The following ELMO1 variants were observed in gnomAD, a reference collection of about 807,000 sequenced individuals.
ELMO1 encodes engulfment and cell motility protein 1.
ELMO1 carries 26 observed loss-of-function variants against 98.9 expected under a neutral mutation model. The observed-to-expected ratio is 0.26, with a 90% confidence interval of 0.19 to 0.36. The LOEUF (loss-of-function observed/expected upper bound fraction) is 0.36. Ranked by LOEUF, ELMO1 falls within the 10% of genes least tolerant of loss-of-function variation. ELMO1 has a pLI of 1.00. For missense variants in ELMO1, 627 were observed against 935.2 expected (o/e 0.67, Z 4.30); for synonymous variants, 346 against 346.0 (o/e 1.00, Z 0.00).
chr7:37,361,982 G>C (rs987609024), intron 1 of ELMO1, among the ~76,000 whole-genome samples: 1 of 152,078 alleles, frequency 6.6e-6, no homozygotes, highest in African/African-American at 2.4e-5. Context: ...AGCCTATCAG[G>C]GGTTACCAGG....
Position 37,432,803 on chromosome 7 carries a change from G to A in ELMO1, c.-74+15872C>T, listed in dbSNP as rs1019633567. 2.6e-5 allele frequency among the ~76,000 whole-genome samples: 4 copies of A among 152,166 alleles called. No homozygotes were observed. The South Asian group carries it at 8.3e-4, about 32-fold the overall frequency. ...AACACTGGCTGAACCGTGGATGAAGGGACAAAAAGCCAAGAAACGTTTTCT... is the reference window on the plus strand; with the variant it reads ...AACACTGGCTGAACCGTGGATGAAGAGACAAAAAGCCAAGAAACGTTTTCT... On this transcript the variant is annotated intron_variant, in intron 1 of 21. Transcript: ENST00000310758.
chr7:36,949,126 C>T (rs933286574), intron 16 of ELMO1, among the ~76,000 whole-genome samples: 1 of 152,108 alleles, frequency 6.6e-6, no homozygotes, highest in African/African-American at 2.4e-5. Context: ...AAACTGCTGG[C>T]ATTACAAGCG....
At chr7:37,021,120 C>T (rs933042241) in intron 15 of ELMO1, among the ~76,000 whole-genome samples, 1 of 151,994 alleles carries the variant, frequency 6.6e-6, no homozygotes, top group African/African-American at 2.4e-5. Flanking sequence ...GGTGGTACTG[C>T]GTGGGGAGAT....
Position 37,118,605 on chromosome 7 carries a change from A to G in ELMO1, c.1191+14525T>C, listed in dbSNP as rs80260961. Reference sequence around the variant, plus strand: ...TCAAGTACTACTTTAAGGAGTGGGAACGGGAACAATCAACTCAAATGGTTG... The same window carrying G: ...TCAAGTACTACTTTAAGGAGTGGGAGCGGGAACAATCAACTCAAATGGTTG... On this transcript the variant is annotated intron_variant, in intron 14 of 21. Transcript: ENST00000310758. Among the ~76,000 whole-genome samples the G allele has an allele frequency of 9.7e-3, 1,475 of 152,342 alleles. 13 individuals carry two copies. The highest frequency in any genetic ancestry group is 0.015 in the Non-Finnish European group (1,033 of 68,020).
At chr7:37,289,246 C>CT (rs1211160428) in intron 4 of ELMO1, among the ~76,000 whole-genome samples, 7 of 152,334 alleles carry the variant, frequency 4.6e-5, no homozygotes, top group African/African-American at 1.7e-4. Flanking sequence ...CCCTTCCCCT[C>CT]TCTCACAATC....
chr7:37,426,142 C>CTTTTTTTTT lies in ELMO1; in HGVS notation c.-74+22524_-74+22532dup, dbSNP rs36086006. On this transcript the variant is annotated intron_variant, in intron 1 of 21. Coordinates refer to ENST00000310758, the MANE Select transcript of ELMO1 (RefSeq NM_014800.11). ...TCTCTCTCTCCCTCTTTTTTTCTTT[C>CTTTTTTTTT]TTTTTTTTTTTTTTTTTTTTTTTTT... Among the ~76,000 whole-genome samples, 39 of 84,576 alleles carry CTTTTTTTTT rather than the reference C, an allele frequency of 4.6e-4. 1 individual carries two copies. The highest frequency in any genetic ancestry group is 1.1e-3 in the Admixed American group (7 of 6,406). The allele number at this position is 84,576 out of a possible 152,430, so 55.5% of individuals were successfully genotyped here.
At chr7:37,296,399 C>T (rs561084727) in intron 4 of ELMO1, among the ~76,000 whole-genome samples, 81 of 152,318 alleles carry the variant, frequency 5.3e-4, no homozygotes, top group Non-Finnish European at 9.0e-4. Context: ...GAAGACATCT[C>T]GTTAATGCTT....
chr7:37,404,917 C>G (rs1289460173), intron 1 of ELMO1, among the ~76,000 whole-genome samples: 1 of 152,144 alleles, frequency 6.6e-6, no homozygotes, highest in Non-Finnish European at 1.5e-5. Context: ...TTTGTTCCCC[C>G]CATTTTTAAT....
At chr7:37,373,105 A>G (rs960668093) in intron 1 of ELMO1, among the ~76,000 whole-genome samples, 1 of 152,242 alleles carries the variant, frequency 6.6e-6, no homozygotes. Context: ...CTTGAGAGTC[A>G]GCATTTCATG....
chr7:37,077,047 T>G (rs1191585138), intron 15 of ELMO1, among the ~76,000 whole-genome samples: 1 of 152,118 alleles, frequency 6.6e-6, no homozygotes, highest in East Asian at 1.9e-4. Context: ...TCCAGTTCAG[T>G]ATGGTAGCCA....
At chr7:37,213,828 G>A (rs1490338860) in intron 11 of ELMO1, among the ~76,000 whole-genome samples, 2 of 152,192 alleles carry the variant, frequency 1.3e-5, no homozygotes, top group African/African-American at 4.8e-5. Flanking sequence ...AAAAACCAAT[G>A]ATGCATACCC....
chr7:37,346,083 C>T (rs6970810), intron 1 of ELMO1, among the ~76,000 whole-genome samples: 50,710 of 151,666 alleles, frequency 0.33, 8,515 homozygotes, highest in East Asian at 0.46. Flanking sequence ...TCAGCAAGTG[C>T]GAAGGCCCCA....
At chr7:37,281,982 C>T (rs1002352844) in intron 4 of ELMO1, among the ~76,000 whole-genome samples, 1 of 152,142 alleles carries the variant, frequency 6.6e-6, no homozygotes, top group Admixed American at 6.5e-5. Flanking sequence ...ACAGGCATCT[C>T]GATAGGATGT....
chr7:37,008,697 T>C (rs1793324586), intron 16 of ELMO1, among the ~76,000 whole-genome samples: 1 of 152,196 alleles, frequency 6.6e-6, no homozygotes, highest in Non-Finnish European at 1.5e-5. Context: ...ACTATTATTA[T>C]TTTTAGATTC....
chr7:37,380,706 A>C (rs1187780259), intron 1 of ELMO1, among the ~76,000 whole-genome samples: 1 of 152,228 alleles, frequency 6.6e-6, no homozygotes, highest in Admixed American at 6.5e-5. Context: ...TAATGTCACA[A>C]CATCGTTGTC....
At chr7:37,192,704 G>GGGAGGATAGCTTGAGCCTGGGAGGC (rs1237348448) in intron 13 of ELMO1, among the ~76,000 whole-genome samples, 3 of 149,608 alleles carry the variant, frequency 2.0e-5, no homozygotes, top group African/African-American at 7.4e-5. Context: ...AGGCTAAGGT[G>GGGAGGATAGCTTGAGCCTGGGAGGC]GGAGGATAGC....
intron 13 of ELMO1, among the ~76,000 whole-genome samples, chr7:37,141,926 A>G (rs1787668342): frequency 6.6e-6 from 1 of 152,232 alleles, no homozygotes; most frequent in South Asian, 2.1e-4. Flanking sequence ...ATGAGAGAGT[A>G]GTGCTGCCTA....
At chr7:37,122,424 AT>A (rs1786130156) in intron 14 of ELMO1, among the ~76,000 whole-genome samples, 1 of 152,216 alleles carries the variant, frequency 6.6e-6, no homozygotes, top group African/African-American at 2.4e-5. Context: ...CACACTCAAA[AT>A]AAAGGGATGG....
chr7:37,071,733 A>G (rs571719266), intron 15 of ELMO1, among the ~76,000 whole-genome samples: 1 of 152,316 alleles, frequency 6.6e-6, no homozygotes, highest in Admixed American at 6.5e-5. Flanking sequence ...ATTTACTAAC[A>G]ATAGCTAAAA....
Sources: allele counts gnomAD v4.1 joint callset (sites outside exome capture counted in the v4.1 genomes callset), GRCh38; gene constraint gnomAD v4.1.1; transcripts MANE v1.5; gene names NCBI Gene and HGNC (gene_info 2026-07-23, HGNC 2026-07-21).